The following SVIL variants were observed in gnomAD, a reference collection of about 807,000 sequenced individuals.
The protein encoded by SVIL is archvillin.
SVIL carries 101 observed loss-of-function variants against 240.4 expected under a neutral mutation model. The observed-to-expected ratio is 0.42, with a 90% CI of 0.36 to 0.50. The LOEUF (loss-of-function observed/expected upper bound fraction) is 0.50. Among genes scored for constraint, SVIL ranks in the 20% least tolerant of loss-of-function variants. The pLI is 0.01. For missense variants in SVIL, 2,512 were observed against 2,818.7 expected, an observed-to-expected ratio of 0.89 and a Z score of 2.46; for synonymous variants, 999 against 1,100.0, an observed-to-expected ratio of 0.91 and a Z score of 1.82.
At position 29,536,013 on chromosome 10, in the gene SVIL, G is replaced by C; in HGVS notation, c.884C>G (p.Pro295Arg). ...FLQKDSEGDT[P>R]SLINWPSRVK... ...CCTGGAAGGCCAGTTGATAAGTGAA[G>C]GTGTGTCCCCTTCGGAATCTTTCTG... The change falls in exon 7 of 38, where the codon CCT (proline) becomes CGT (arginine). Residue 295 changes from proline to arginine, a missense_variant. This residue lies in a region of SVIL where 1,443 missense variants were observed against 1,486.6 expected (regional missense o/e 0.97). Coordinates refer to ENST00000355867, the MANE Select transcript of SVIL (RefSeq NM_021738.3). 1 of 1,614,210 alleles carries C rather than the reference G, an allele frequency of 6.2e-7. No individual in the cohort carries two copies. Among genetic ancestry groups the C allele is most frequent in the Non-Finnish European group, 8.5e-7 (1 of 1,180,038 alleles).
chr10:29,478,924 C>CAAAAAAAA (rs71020791), intron 29 of SVIL, among the ~76,000 whole-genome samples: 1 of 63,038 alleles, frequency 1.6e-5, no homozygotes, highest in Non-Finnish European at 3.1e-5. Flanking sequence ...AACCCTGTCT[C>CAAAAAAAA]AAAAAAAAAA....
chr10:29,609,580 G>A (rs889776579), intron 1 of SVIL, among the ~76,000 whole-genome samples: 2 of 152,260 alleles, frequency 1.3e-5, no homozygotes, highest in African/African-American at 4.8e-5. Context: ...AGCCATGGCT[G>A]TGACATGCTG....
chr10:29,601,244 G>A (rs1208992062), intron 1 of SVIL, among the ~76,000 whole-genome samples: 1 of 152,120 alleles, frequency 6.6e-6, no homozygotes, highest in Non-Finnish European at 1.5e-5. Flanking sequence ...TTTCCAAAAT[G>A]CTACATGCCA....
In SVIL at chr10:29,722,658, C is replaced by T. The variant is rs572817118; in HGVS notation, c.-400+13093G>A. On this transcript the variant is annotated intron_variant, in intron 1 of 35. Coordinates refer to the SVIL transcript ENST00000375400. ...GGTACAGATTTATTTGTACAATAAA[C>T]ATTTTTAGCAAAAAGCAGGCAGATG... 7.9e-5 allele frequency among the ~76,000 whole-genome samples: 12 copies of T among 152,238 alleles called. No homozygotes were observed. In the East Asian group the frequency reaches 2.1e-3, roughly 27 times the overall value.
chr10:29,603,457 G>C (rs1402216837), intron 1 of SVIL, among the ~76,000 whole-genome samples: 1 of 152,204 alleles, frequency 6.6e-6, no homozygotes, highest in African/African-American at 2.4e-5. Flanking sequence ...AGCAAAAATG[G>C]AAAAGCATTC....
At chr10:29,630,034 C>T (rs1958024685) in intron 1 of SVIL, among the ~76,000 whole-genome samples, 1 of 128,046 alleles carries the variant, frequency 7.8e-6, no homozygotes, top group Admixed American at 8.7e-5. Context: ...GGCATTAAGT[C>T]TGGCACACAG....
chr10:29,701,109 C>G (rs1300471438), intron 1 of SVIL, among the ~76,000 whole-genome samples: 1 of 152,160 alleles, frequency 6.6e-6, no homozygotes, highest in Non-Finnish European at 1.5e-5. Context: ...CCCCTCTATT[C>G]ATCTGGAAAT....
At chr10:29,473,356 G>T (rs773806566) in intron 30 of SVIL, among the ~76,000 whole-genome samples, 26 of 152,294 alleles carry the variant, frequency 1.7e-4, no homozygotes, top group Admixed American at 3.3e-4. Context: ...TGGAACAAGT[G>T]ATCAAAGTTT....
chr10:29,473,339 G>A (rs142539928), intron 30 of SVIL, among the ~76,000 whole-genome samples: 60 of 152,260 alleles, frequency 3.9e-4, no homozygotes, highest in African/African-American at 1.1e-3. Flanking sequence ...ATGTAGATTC[G>A]TGTACATGGA....
chr10:29,469,558 G>A (rs1945313718), intron 32 of SVIL, among the ~76,000 whole-genome samples: 1 of 152,200 alleles, frequency 6.6e-6, no homozygotes, highest in South Asian at 2.1e-4. Flanking sequence ...TGGGCTGCTA[G>A]GAAGTGCAGA....
chr10:29,523,739 G>C lies in SVIL; in HGVS notation c.2875C>G (p.Arg959Gly). 1 of 1,614,082 alleles carries C rather than the reference G, an allele frequency of 6.2e-7. No homozygotes were observed. ...CCATACTTCTCCATCCCACTGTCTC[G>C]ACCTGTCAAAGCTCTCTTGCTTTCT... ...ETESKRALTG[R>G]DSGMEKYGSF... The change falls in exon 15 of 38, where the codon CGA becomes GGA. Residue 959 changes from arginine to glycine, a missense_variant. Arg to Gly is a moderately radical substitution (Grantham distance 125, BLOSUM62 -2). This residue lies in a region of SVIL where 1,443 missense variants were observed against 1,486.6 expected (regional missense o/e 0.97). Transcript: ENST00000355867.
At chr10:29,498,801 C>T (rs184471102) in intron 18 of SVIL, among the ~76,000 whole-genome samples, 16 of 152,112 alleles carry the variant, frequency 1.1e-4, no homozygotes, top group Admixed American at 2.6e-4. Flanking sequence ...GGCAACACAG[C>T]GACACCCCAT....
intron 6 of SVIL, among the ~76,000 whole-genome samples, chr10:29,538,716 A>C (rs886302360): frequency 2.6e-5 from 4 of 152,248 alleles, no homozygotes; most frequent in Admixed American, 1.3e-4. Flanking sequence ...GAGCATATCT[A>C]AGGTAGGTTG....
At chr10:29,562,526 G>A (rs1340164974) in intron 3 of SVIL, among the ~76,000 whole-genome samples, 1 of 152,152 alleles carries the variant, frequency 6.6e-6, no homozygotes, top group African/African-American at 2.4e-5. Context: ...TTTGCAAGGC[G>A]GAGGCGGGCG....
chr10:29,734,581 C>T (rs570328528), intron 1 of SVIL, among the ~76,000 whole-genome samples: 1 of 152,226 alleles, frequency 6.6e-6, no homozygotes, highest in East Asian at 1.9e-4. Flanking sequence ...GGGAGAGTCC[C>T]TGGTCCATTA....
Position 29,532,960 on chromosome 10 carries a change from T to C in SVIL, c.1407A>G (p.Glu469=). 6.2e-7 allele frequency: 1 copy of C among 1,614,188 alleles called. No individual in the cohort carries two copies. Among genetic ancestry groups the C allele is most frequent in the Non-Finnish European group, 8.5e-7 (1 of 1,180,044 alleles). ...LEGDGLVRSP[E]DPSRNEDFGK... ...CAAAGTCCTCATTTCTAGAGGGATC[T>C]TCTGGGCTTCTCACTAGCCCATCAC... Residue 469 remains glutamate, a synonymous_variant, in exon 8 of 38, where the codon GAA becomes GAG. Transcript: ENST00000355867.
At chr10:29,704,812 T>A (rs1417996723) in intron 1 of SVIL, among the ~76,000 whole-genome samples, 1 of 148,026 alleles carries the variant, frequency 6.8e-6, no homozygotes, top group Non-Finnish European at 1.5e-5. Context: ...AAGCCCTACC[T>A]AATCTCCCAA....
Position 29,554,787 on chromosome 10 carries a change from G to A in SVIL, c.156C>T (p.His52=). ...GCCACCCAGCTCCACGCTCACCGAT[G>A]TGGGGGCTGGCAGGGTCGCTGGCTC... is the stretch of plus-strand genomic sequence containing the variant. ...YMRASDPASP[H]IGRSNEEEET... Residue 52 remains histidine, a synonymous_variant, in exon 5 of 38, where the codon CAC becomes CAT. Transcript: ENST00000355867. 6.3e-7 allele frequency: 1 copy of A among 1,595,996 alleles called. No homozygotes were observed. The highest frequency in any genetic ancestry group is 8.5e-7 in the Non-Finnish European group (1 of 1,172,262).
intron 6 of SVIL, among the ~76,000 whole-genome samples, chr10:29,541,182 C>T (rs561581398): frequency 1.3e-5 from 2 of 152,100 alleles, no homozygotes; most frequent in East Asian, 1.9e-4. Flanking sequence ...CTAAATGTTA[C>T]GCTTAATTAT....
Sources: allele counts gnomAD v4.1 joint callset (sites outside exome capture counted in the v4.1 genomes callset), GRCh38; gene constraint gnomAD v4.1.1; regional missense constraint gnomAD v4.1.1; transcripts MANE v1.5; gene names NCBI Gene and HGNC (gene_info 2026-07-23, HGNC 2026-07-21).